FRMD4B: variants seen among roughly 807,000 people sequenced by gnomAD.
The protein encoded by FRMD4B is FERM domain containing 4B, also known as FERM domain-containing protein 4B.
A neutral mutation model predicts 141.5 loss-of-function variants in FRMD4B; 74 were observed. That is an observed-to-expected ratio of 0.52 (90% CI 0.43 to 0.63). The LOEUF (loss-of-function observed/expected upper bound fraction) is 0.63. Among genes scored for constraint, FRMD4B ranks in the 30% least tolerant of loss-of-function variants. The probability of loss-of-function intolerance (pLI) is 0.00; values close to 1 mark genes in which losing one functional copy is unlikely to be tolerated. For missense variants in FRMD4B, 1,366 were observed against 1,253.4 expected, an observed-to-expected ratio of 1.09 and a Z score of -1.36; for synonymous variants, 506 against 467.9, an observed-to-expected ratio of 1.08 and a Z score of -1.05.
chr3:69,429,596 G>A (rs1026265877), intron 2 of FRMD4B, among the ~76,000 whole-genome samples: 11 of 151,898 alleles, frequency 7.2e-5, no homozygotes, highest in South Asian at 2.1e-4. Context: ...TCCCTAAAAC[G>A]TGCACAACTA....
Position 69,501,819 on chromosome 3 carries a change from C to G in FRMD4B, c.-129+40387G>C, listed in dbSNP as rs539134150. Among the ~76,000 whole-genome samples the G allele has an allele frequency of 4.6e-5, 7 of 152,260 alleles. No homozygotes were observed. The East Asian group carries it at 1.2e-3, about 25-fold the overall frequency. Reference sequence around the variant, plus strand: ...CCCAAAATCGCCTTAAGCTGATAAGCAACTTCAGCAAAGTCTCAGGATACA... The same window carrying G: ...CCCAAAATCGCCTTAAGCTGATAAGGAACTTCAGCAAAGTCTCAGGATACA... On this transcript the variant is annotated intron_variant, in intron 1 of 5. Transcript: ENST00000459638.
chr3:69,372,022 A>G (rs1424754272), intron 1 of FRMD4B, among the ~76,000 whole-genome samples: 1 of 152,098 alleles, frequency 6.6e-6, no homozygotes, highest in Non-Finnish European at 1.5e-5. Flanking sequence ...CCCACCTCTC[A>G]TGACCTTAAC....
intron 1 of FRMD4B, among the ~76,000 whole-genome samples, chr3:69,434,161 C>T (rs1267842493): frequency 6.6e-6 from 1 of 152,168 alleles, no homozygotes; most frequent in Non-Finnish European, 1.5e-5. Context: ...TAGTTAAATC[C>T]CTTGCTTCTT....
rs2092564258 is a variant in FRMD4B, at chr3:69,169,364, T to TCC, written c.*2496_*2497insGG. 2.7e-5 allele frequency among the ~76,000 whole-genome samples: 4 copies of TCC among 148,422 alleles called. No homozygotes were observed. Among genetic ancestry groups the TCC allele is most frequent in the South Asian group, 2.1e-4 (1 of 4,752 alleles). ...ACTTCCATTTCTTTCTTTTTTTTTT[T>TCC]TTTTTTTTTTTCTTGAGACAAGGTC... is the stretch of plus-strand genomic sequence containing the variant. On this transcript the variant is annotated 3_prime_UTR_variant, in exon 23 of 23. Coordinates refer to ENST00000398540, the MANE Select transcript of FRMD4B (RefSeq NM_015123.3).
At chr3:69,428,207 C>T (rs926933310) in intron 2 of FRMD4B, among the ~76,000 whole-genome samples, 1 of 151,392 alleles carries the variant, frequency 6.6e-6, no homozygotes, top group African/African-American at 2.4e-5. Flanking sequence ...TGCTCTGGAG[C>T]TATATAATTT....
intron 11 of FRMD4B, chr3:69,200,497 T>C (rs1470885945): frequency 1.5e-5 from 15 of 989,326 alleles, no homozygotes; most frequent in Non-Finnish European, 1.8e-5. Flanking sequence ...AGACGGCAGC[T>C]CCGGTGAGTT....
intron 1 of FRMD4B, among the ~76,000 whole-genome samples, chr3:69,532,659 A>G (rs1396422604): frequency 6.6e-6 from 1 of 152,176 alleles, no homozygotes; most frequent in Non-Finnish European, 1.5e-5. Flanking sequence ...ACTCGGGTTG[A>G]GTATTACACT....
intron 1 of FRMD4B, among the ~76,000 whole-genome samples, chr3:69,502,725 A>C (rs1404652086): frequency 2.0e-5 from 3 of 152,082 alleles, no homozygotes; most frequent in Admixed American, 6.5e-5. Flanking sequence ...CAAAAAAAAA[A>C]CTACCATCGG....
intron 2 of FRMD4B, among the ~76,000 whole-genome samples, chr3:69,422,511 C>T (rs1314355976): frequency 2.0e-5 from 3 of 152,088 alleles, no homozygotes; most frequent in African/African-American, 7.2e-5. Context: ...ACTGCCTGTG[C>T]AAGAGCCTCC....
intron 1 of FRMD4B, among the ~76,000 whole-genome samples, chr3:69,370,110 CTG>C (rs982955688): frequency 2.1e-5 from 3 of 145,206 alleles, no homozygotes; most frequent in Non-Finnish European, 4.5e-5. Context: ...GCTTTTGTTC[CTG>C]TTTTTTTTTT....
intron 1 of FRMD4B, among the ~76,000 whole-genome samples, chr3:69,314,442 T>C (rs931461249): frequency 6.6e-6 from 1 of 151,494 alleles, no homozygotes; most frequent in Non-Finnish European, 1.5e-5. Flanking sequence ...CATGAGAATT[T>C]GCTTGAACCT....
chr3:69,192,371 G>A (rs954933912), intron 17 of FRMD4B, among the ~76,000 whole-genome samples: 3 of 151,966 alleles, frequency 2.0e-5, no homozygotes, highest in South Asian at 2.1e-4. Context: ...AAGAGATCCT[G>A]TCTCAAAAAG....
At chr3:69,218,022 A>G (rs1230740842) in intron 10 of FRMD4B, among the ~76,000 whole-genome samples, 8 of 152,200 alleles carry the variant, frequency 5.3e-5, no homozygotes, top group Non-Finnish European at 8.8e-5. Flanking sequence ...TGGAGACTGC[A>G]TAATTTTCAA....
chr3:69,513,481 A>C (rs1025784579), intron 1 of FRMD4B, among the ~76,000 whole-genome samples: 2 of 152,186 alleles, frequency 1.3e-5, no homozygotes, highest in African/African-American at 2.4e-5. Context: ...CATTTGAAAA[A>C]GAATAACACC....
At chr3:69,253,183 A>ATTTTTT (rs5849890) in intron 5 of FRMD4B, among the ~76,000 whole-genome samples, 1 of 129,892 alleles carries the variant, frequency 7.7e-6, no homozygotes, top group African/African-American at 3.0e-5. Flanking sequence ...TATGATTCCT[A>ATTTTTT]TTTTTTTTTT....
In FRMD4B at chr3:69,176,610, T is replaced by C; in HGVS notation, c.2898A>G (p.Ile966Met). 1.2e-6 allele frequency: 2 copies of C among 1,605,336 alleles called. No homozygotes were observed. Among genetic ancestry groups the C allele is most frequent in the Non-Finnish European group, 8.5e-7 (1 of 1,171,982 alleles). The change falls in exon 22 of 23, where the codon ATA becomes ATG. Residue 966 changes from isoleucine (I) to methionine (M), a missense_variant. By Grantham distance (10) the Ile-to-Met change is conservative. Transcript: ENST00000398540. Reference protein sequence around the residue: ...ASGNWRTQLTIGLSDYETPAH... With the variant: ...ASGNWRTQLTMGLSDYETPAH... ...CTGGAGTCTCGTAATCCGACAGCCC[T>C]ATGGTTAACTGGGTCCTCCAGTTCC... is the stretch of plus-strand genomic sequence containing the variant.
chr3:69,277,163 A>G (rs2093621687), intron 5 of FRMD4B, among the ~76,000 whole-genome samples: 2 of 152,206 alleles, frequency 1.3e-5, no homozygotes, highest in Non-Finnish European at 2.9e-5. Context: ...TTGTCTTTCC[A>G]CATTTATTTA....
intron 1 of FRMD4B, among the ~76,000 whole-genome samples, chr3:69,521,614 A>T (rs1469472570): frequency 6.6e-6 from 1 of 152,154 alleles, no homozygotes; most frequent in Non-Finnish European, 1.5e-5. Context: ...ATGCTCAACC[A>T]TGGCCTACAA....
intron 11 of FRMD4B, among the ~76,000 whole-genome samples, chr3:69,203,665 T>G (rs1461006323): frequency 1.3e-5 from 2 of 152,172 alleles, no homozygotes; most frequent in Non-Finnish European, 2.9e-5. Context: ...TGTCTGCATC[T>G]GTAAAATGGG....
Sources: allele counts gnomAD v4.1 joint callset (sites outside exome capture counted in the v4.1 genomes callset), GRCh38; gene constraint gnomAD v4.1.1; transcripts MANE v1.5; gene names NCBI Gene and HGNC (gene_info 2026-07-23, HGNC 2026-07-21).